EXOC4: variants seen among roughly 807,000 people sequenced by gnomAD.
EXOC4 encodes the protein exocyst complex component 4.
A neutral mutation model predicts 107.2 loss-of-function variants in EXOC4; 71 were observed. That is an observed-to-expected ratio of 0.66 (90% confidence interval 0.55 to 0.81). The LOEUF is 0.81. EXOC4 is among the 30% of genes least tolerant of loss of function. The pLI, the probability that EXOC4 is intolerant of heterozygous loss-of-function variation, is 0.00. For synonymous variants in EXOC4, 456 were observed against 441.2 expected (o/e 1.03, Z -0.42); for missense variants, 1,108 against 1,189.6 (o/e 0.93, Z 1.01).
the EXOC4 span, among the ~76,000 whole-genome samples, chr7:134,092,212 A>C: frequency 6.6e-6 from 1 of 152,184 alleles, no homozygotes; most frequent in Admixed American, 6.5e-5. Context: ...AACCTTCTGA[A>C]TATACTAAAA....
At position 133,374,814 on chromosome 7, in the gene EXOC4, G is replaced by T; in HGVS notation, c.1008-14G>T. On this transcript the variant is annotated splice_polypyrimidine_tract_variant and intron_variant, in intron 6 of 17. Coordinates refer to ENST00000253861, the MANE Select transcript of EXOC4 (RefSeq NM_021807.4). ...ACGTATGTGTAAATGTTATTTATTTGTTTATGCCACTAGGTTGCTTCTAGA... is the reference window on the plus strand; with the variant it reads ...ACGTATGTGTAAATGTTATTTATTTTTTTATGCCACTAGGTTGCTTCTAGA... 1.9e-6 allele frequency: 3 copies of T among 1,604,678 alleles called. No individual in the cohort carries two copies. Among genetic ancestry groups the T allele is most frequent in the Non-Finnish European group, 1.7e-6 (2 of 1,173,050 alleles).
chr7:133,380,095 G>C (rs567601741), intron 7 of EXOC4, among the ~76,000 whole-genome samples: 1 of 151,814 alleles, frequency 6.6e-6, no homozygotes, highest in Non-Finnish European at 1.5e-5. Context: ...GTTGTGGGGT[G>C]GGGGGATGGG....
intron 7 of EXOC4, among the ~76,000 whole-genome samples, chr7:133,436,309 T>C (rs147463516): frequency 6.6e-6 from 1 of 152,296 alleles, no homozygotes; most frequent in African/African-American, 2.4e-5. Flanking sequence ...ATCTAGAATT[T>C]GACTGTCCTC....
intron 9 of EXOC4, among the ~76,000 whole-genome samples, chr7:133,514,488 T>G (rs908259799): frequency 6.6e-6 from 1 of 152,164 alleles, no homozygotes; most frequent in Non-Finnish European, 1.5e-5. Flanking sequence ...TTAAAACAAG[T>G]AACTTTCTTT....
chr7:133,715,415 G>A (rs1005738814), intron 10 of EXOC4, among the ~76,000 whole-genome samples: 4 of 151,812 alleles, frequency 2.6e-5, no homozygotes, highest in African/African-American at 2.4e-5. Flanking sequence ...AAACGGATCC[G>A]GTCTCTTAGC....
intron 5 of EXOC4, among the ~76,000 whole-genome samples, chr7:133,346,090 G>C (rs535364379): frequency 6.6e-6 from 1 of 152,098 alleles, no homozygotes; most frequent in South Asian, 2.1e-4. Flanking sequence ...AATTTTTCAC[G>C]GTGAAGGAAA....
chr7:133,827,952 C>G (rs564493629), intron 11 of EXOC4, among the ~76,000 whole-genome samples: 10 of 152,014 alleles, frequency 6.6e-5, no homozygotes, highest in Non-Finnish European at 1.5e-5. Context: ...AAGGAAGTCT[C>G]TGAGATTACT....
At chr7:133,478,230 A>G (rs1226553873) in intron 8 of EXOC4, among the ~76,000 whole-genome samples, 1 of 151,190 alleles carries the variant, frequency 6.6e-6, no homozygotes, top group East Asian at 1.9e-4. Context: ...GCTCTCAACC[A>G]TCACCGCTGA....
chr7:133,531,064 C>T (rs1003490935), intron 9 of EXOC4, among the ~76,000 whole-genome samples: 1 of 151,920 alleles, frequency 6.6e-6, no homozygotes, highest in African/African-American at 2.4e-5. Context: ...CATATACATA[C>T]AAATACTTCT....
chr7:133,793,357 T>C (rs1313762680), intron 10 of EXOC4, among the ~76,000 whole-genome samples: 1 of 152,124 alleles, frequency 6.6e-6, no homozygotes. Context: ...GGACTAACAC[T>C]TGTGTGCCCA....
At position 133,693,574 on chromosome 7, in the gene EXOC4, G is replaced by A. The variant is rs577655397; in HGVS notation, c.1514+63433G>A. Among the ~76,000 whole-genome samples the A allele has an allele frequency of 2.2e-4, 33 of 152,276 alleles. No homozygotes were observed. In the South Asian group the frequency reaches 3.7e-3, roughly 17 times the overall value. The stretch of plus-strand genomic sequence containing the variant: ...AACCCATCACACTCCTAATTACACA[G>A]TTAGAAAGTCGTGTAGCCACGATTC... On this transcript the variant is annotated intron_variant, in intron 10 of 17. Coordinates refer to ENST00000253861, the MANE Select transcript of EXOC4 (RefSeq NM_021807.4).
At chr7:133,456,038 T>G (rs936401406) in intron 7 of EXOC4, among the ~76,000 whole-genome samples, 3 of 152,236 alleles carry the variant, frequency 2.0e-5, no homozygotes, top group Admixed American at 6.5e-5. Flanking sequence ...GTTGATATGC[T>G]TCATTCTGTA....
At chr7:133,810,928 C>T (rs1797212757) in intron 10 of EXOC4, among the ~76,000 whole-genome samples, 2 of 152,066 alleles carry the variant, frequency 1.3e-5, no homozygotes, top group South Asian at 2.1e-4. Flanking sequence ...CTACCGCGCC[C>T]GGCCAGATCC....
chr7:133,615,825 G>A (rs1802180629), intron 9 of EXOC4, among the ~76,000 whole-genome samples: 1 of 152,086 alleles, frequency 6.6e-6, no homozygotes, highest in African/African-American at 2.4e-5. Flanking sequence ...CTGTATTTCA[G>A]ACTTTTGAAA....
chr7:133,282,399 T>C (rs1320022369), intron 2 of EXOC4, among the ~76,000 whole-genome samples: 3 of 152,196 alleles, frequency 2.0e-5, no homozygotes, highest in Non-Finnish European at 2.9e-5. Flanking sequence ...TGACTTGATA[T>C]CATGGTTTGA....
intron 4 of EXOC4, among the ~76,000 whole-genome samples, chr7:133,312,488 T>C (rs567045095): frequency 6.6e-6 from 1 of 152,272 alleles, no homozygotes; most frequent in South Asian, 2.1e-4. Context: ...ATTTCCTGTG[T>C]ACATCATGAG....
chr7:133,847,918 C>G (rs999184180), intron 11 of EXOC4, among the ~76,000 whole-genome samples: 1 of 98,028 alleles, frequency 1.0e-5, no homozygotes, highest in African/African-American at 4.2e-5. Flanking sequence ...TTAGTAGAGA[C>G]ACAGTTTCAC....
chr7:133,634,529 G>T (rs766577455), intron 10 of EXOC4, among the ~76,000 whole-genome samples: 1 of 151,670 alleles, frequency 6.6e-6, no homozygotes, highest in South Asian at 2.1e-4. Context: ...TCACTCTGTC[G>T]CCCAGGCTGG....
intron 9 of EXOC4, among the ~76,000 whole-genome samples, chr7:133,614,969 A>G (rs1802160691): frequency 6.6e-6 from 1 of 152,138 alleles, no homozygotes; most frequent in Non-Finnish European, 1.5e-5. Context: ...TAGAAGAAGC[A>G]CTGCCAGAAA....
Sources: allele counts gnomAD v4.1 joint callset (sites outside exome capture counted in the v4.1 genomes callset), GRCh38; gene constraint gnomAD v4.1.1; transcripts MANE v1.5; gene names NCBI Gene and HGNC (gene_info 2026-07-23, HGNC 2026-07-21).